The following PPP2R3C variants were observed in gnomAD, a reference collection of about 807,000 sequenced individuals.
PPP2R3C encodes serine/threonine-protein phosphatase 2A regulatory subunit B'' subunit gamma.
In PPP2R3C, 47 loss-of-function variants were observed where a neutral mutation model predicts 63.7. That is an observed-to-expected ratio of 0.74 (90% CI 0.58 to 0.94). The LOEUF (loss-of-function observed/expected upper bound fraction) is 0.94. Among genes scored for constraint, PPP2R3C ranks in the 40% least tolerant of loss-of-function variants. PPP2R3C has a pLI of 0.00. For missense variants in PPP2R3C, 421 were observed against 518.4 expected (o/e 0.81, Z 1.82); for synonymous variants, 180 against 177.4 (o/e 1.01, Z -0.12).
intron 7 of PPP2R3C, among the ~76,000 whole-genome samples, 168 bp from the exon 8 acceptor site, chr14:35,096,932 C>T (rs995254787): frequency 2.6e-5 from 4 of 152,152 alleles, no homozygotes; most frequent in Admixed American, 6.6e-5. Flanking sequence ...AGGGAAATCT[C>T]GGCTGGGCGC....
intron 12 of PPP2R3C, chr14:35,087,121 A>G (rs1024832770): frequency 7.2e-5 from 11 of 152,304 alleles, no homozygotes; most frequent in Admixed American, 4.6e-4. Context: ...TAGACATCCA[A>G]AAAGAAGCTA....
chr14:35,107,647 A>G, intron 5 of PPP2R3C: 1 of 415,762 alleles, frequency 2.4e-6, no homozygotes, highest in Non-Finnish European at 4.3e-6. Flanking sequence ...GTATAATATT[A>G]TGCCTTCAGT....
chr14:35,107,508 TG>T, intron 5 of PPP2R3C, 134 bp from the exon 6 acceptor site: 1 of 692,490 alleles, frequency 1.4e-6, no homozygotes, highest in South Asian at 1.9e-5. Flanking sequence ...CAAAATTGCT[TG>T]AAACAAAAAA....
intron 6 of PPP2R3C, chr14:35,102,722 C>T (rs2046238504): frequency 6.6e-6 from 1 of 152,172 alleles, no homozygotes; most frequent in Admixed American, 6.6e-5. Context: ...CTCACCTGGA[C>T]TATCATGGTA....
At chr14:35,109,726 G>T (rs2046485880) in intron 4 of PPP2R3C, 93 bp downstream of exon 4, 4 of 1,044,638 alleles carry the variant, frequency 3.8e-6, no homozygotes, top group Non-Finnish European at 5.6e-6. Context: ...AAACTGCTGG[G>T]ATTACAGGTG....
chr14:35,087,596 C>T lies in PPP2R3C; in HGVS notation c.1173+355G>A, dbSNP rs573412093. On this transcript the variant is annotated intron_variant, in intron 12 of 12. Coordinates refer to ENST00000261475, the MANE Select transcript of PPP2R3C (RefSeq NM_017917.4). ...TGTATTTTTAGTAGAGACGGGGTTT[C>T]ACCATGTTGACCAGGCTGGTCTTGA... The T allele has an allele frequency of 4.9e-5, 10 of 202,096 alleles. No individual in the cohort carries two copies. The East Asian group carries it at 1.4e-3, about 28-fold the overall frequency. The allele number at this position is 202,096 out of a possible 1,614,324, so 12.5% of individuals were successfully genotyped here. A position where few individuals can be genotyped will look rare whatever the true frequency, so the allele number is the denominator to read the frequency against.
intron 6 of PPP2R3C, among the ~76,000 whole-genome samples, chr14:35,102,898 T>G (rs1212856624): frequency 1.3e-5 from 2 of 152,104 alleles, no homozygotes; most frequent in African/African-American, 4.8e-5. Context: ...TAGCTGGGAT[T>G]ACAGGTGCCT....
chr14:35,097,223 C>CA (rs58639725), intron 7 of PPP2R3C, among the ~76,000 whole-genome samples: 8,650 of 143,264 alleles, frequency 0.06, 332 homozygotes, highest in African/African-American at 0.12. Flanking sequence ...CCCCACCCTG[C>CA]AAAAAAAAAA....
At chr14:35,119,276 G>A (rs1446169219) in intron 1 of PPP2R3C, among the ~76,000 whole-genome samples, 1 of 152,128 alleles carries the variant, frequency 6.6e-6, no homozygotes, top group Non-Finnish European at 1.5e-5. Flanking sequence ...GACCTCAAGT[G>A]ATCTGCCTAC....
rs755890643 is a variant in PPP2R3C, at chr14:35,085,572, A to G, written c.*18T>C. On this transcript the variant is annotated 3_prime_UTR_variant, in exon 13 of 13. Coordinates refer to ENST00000261475, the MANE Select transcript of PPP2R3C (RefSeq NM_017917.4). ...ATTCAAGTATCTCATAATATAAGAC[A>G]GTCTAGTCTTTCAGAGATCATGTAT... 6.4e-7 allele frequency: 1 copy of G among 1,574,164 alleles called. No individual in the cohort carries two copies. The highest frequency in any genetic ancestry group is 1.2e-5 in the South Asian group (1 of 85,250).
At chr14:35,108,405 T>A (rs61989497) in intron 4 of PPP2R3C, among the ~76,000 whole-genome samples, 169 bp from the exon 5 acceptor site, 313 of 149,846 alleles carry the variant, frequency 2.1e-3, no homozygotes, top group African/African-American at 7.3e-3. Flanking sequence ...TTTTTTTTTT[T>A]AAAAGAAATG....
intron 9 of PPP2R3C, among the ~76,000 whole-genome samples, chr14:35,096,303 G>C (rs902980537): frequency 6.6e-6 from 1 of 152,180 alleles, no homozygotes; most frequent in African/African-American, 2.4e-5. Flanking sequence ...GCACTGAGCC[G>C]TGATCATGTC....
intron 3 of PPP2R3C, 58 bp from the exon 4 acceptor site, chr14:35,109,989 T>C (rs565605614): frequency 2.4e-6 from 3 of 1,244,904 alleles, no homozygotes; most frequent in African/African-American, 3.0e-5. Flanking sequence ...GATTTTAATA[T>C]GTAGTTAAAT....
At chr14:35,101,778 T>C (rs1266625747) in intron 6 of PPP2R3C, 4 of 152,208 alleles carry the variant, frequency 2.6e-5, no homozygotes, top group African/African-American at 7.2e-5. Flanking sequence ...CAGTTTTTTA[T>C]TGGGTTAATG....
chr14:35,121,249 C>T (rs1315034830), intron 1 of PPP2R3C, among the ~76,000 whole-genome samples: 1 of 152,038 alleles, frequency 6.6e-6, no homozygotes, highest in Admixed American at 6.6e-5. Flanking sequence ...TGGTTGCGCG[C>T]GCTTATAGTT....
intron 1 of PPP2R3C, among the ~76,000 whole-genome samples, chr14:35,121,489 TA>T (rs1566433254): frequency 6.6e-6 from 1 of 152,108 alleles, no homozygotes; most frequent in African/African-American, 2.4e-5. Context: ...CGAGGTTAGT[TA>T]ATAAGCAATG....
At chr14:35,090,535 G>A (rs758352939) in intron 11 of PPP2R3C, among the ~76,000 whole-genome samples, 13 of 151,982 alleles carry the variant, frequency 8.6e-5, no homozygotes, top group Admixed American at 2.6e-4. Flanking sequence ...TAAAAATCAC[G>A]AGTTAGGTAA....
chr14:35,120,753 C>T (rs1021558539), intron 1 of PPP2R3C, among the ~76,000 whole-genome samples: 2 of 151,890 alleles, frequency 1.3e-5, no homozygotes, highest in African/African-American at 4.8e-5. Context: ...TCGAGACCAG[C>T]CCAGGCAACA....
chr14:35,091,744 G>A (rs768890636), intron 10 of PPP2R3C, among the ~76,000 whole-genome samples: 9 of 151,664 alleles, frequency 5.9e-5, no homozygotes, highest in East Asian at 5.8e-4. Flanking sequence ...TTTTTGAGAC[G>A]GAGTCTTGCT....
Sources: allele counts gnomAD v4.1 joint callset (sites outside exome capture counted in the v4.1 genomes callset), GRCh38; gene constraint gnomAD v4.1.1; transcripts MANE v1.5; gene names NCBI Gene and HGNC (gene_info 2026-07-23, HGNC 2026-07-21).